Variants in HDAC7 observed in about 807,000 individuals in gnomAD.
HDAC7 encodes the protein histone deacetylase 7A.
A neutral mutation model predicts 115.5 loss-of-function variants in HDAC7; 26 were observed. The observed-to-expected ratio is 0.23, with a 90% CI of 0.16 to 0.31. The LOEUF is 0.31. Ranked by LOEUF, HDAC7 falls within the 10% of genes least tolerant of loss-of-function variation. The pLI is 1.00. For synonymous variants in HDAC7, 564 were observed against 550.9 expected (o/e 1.02, Z -0.33); for missense variants, 1,068 against 1,329.0 (o/e 0.80, Z 3.05).
chr12:47,791,572 C>T lies in HDAC7; in HGVS notation c.1933+14G>A, dbSNP rs769190497. The T allele has an allele frequency of 2.5e-5, 40 of 1,599,118 alleles. No individual in the cohort carries two copies. The highest frequency in any genetic ancestry group is 3.2e-5 in the Non-Finnish European group (38 of 1,172,926). ...GTAAGCTGGCATGGGGAGACAGGGC[C>T]ACTAGGCCATTACCTGCCAGCTTCC... On this transcript the variant is annotated intron_variant, in intron 15 of 25. Transcript: ENST00000080059.
At chr12:47,799,151 T>C in intron 2 of HDAC7, 179 bp from the exon 3 acceptor site, 1 of 556,302 alleles carries the variant, frequency 1.8e-6, no homozygotes, top group Non-Finnish European at 3.2e-6. Context: ...CAATTCCATT[T>C]TACTCGTGAG....
rs916448297 is a variant in HDAC7 at position 47,798,329 on chromosome 12, C to A, written c.350-110G>T. 44 of 971,086 alleles carry A rather than the reference C, an allele frequency of 4.5e-5. No individual in the cohort carries two copies. The highest frequency in any genetic ancestry group is 6.8e-5 in the Non-Finnish European group (42 of 616,218). 60.2% of individuals were successfully genotyped at this position (971,086 alleles called of 1,614,324 possible). Reference sequence around the variant, plus strand: ...CTCAGTAGGAGGCGTCCCAGGGACTCCCTAGGCAAGAGCCAAGCCCGAGGC... The same window carrying A: ...CTCAGTAGGAGGCGTCCCAGGGACTACCTAGGCAAGAGCCAAGCCCGAGGC... On this transcript the variant is annotated intron_variant, in intron 4 of 25. Coordinates refer to ENST00000080059, the MANE Select transcript of HDAC7 (RefSeq NM_015401.5). This position sits in a 1 kb window ranked among gnomAD's most constrained non-coding sequence, Gnocchi z 4.3.
rs993742941 is a variant in HDAC7, at chr12:47,798,183, G to A, written c.386C>T (p.Ala129Val). The change falls in exon 5 of 26, where the codon GCG becomes GTG. Residue 129 changes from alanine to valine, a missense_variant. Physicochemically the swap from Ala to Val is moderately conservative, Grantham distance 64. Coordinates refer to ENST00000080059, the MANE Select transcript of HDAC7 (RefSeq NM_015401.5). This position sits in a 1 kb window ranked among gnomAD's most constrained non-coding sequence, Gnocchi z 4.3. ...VASSVVKQKL[A>V]EVILKKQQAA... ...CTGCTGTTTTTTCAGAATCACCTCC[G>A]CTAGCTTCTGCTTGACCACGCTGCT... 12 of 1,613,768 alleles carry A rather than the reference G, an allele frequency of 7.4e-6. No homozygotes were observed. Among genetic ancestry groups the A allele is most frequent in the Non-Finnish European group, 1.0e-5 (12 of 1,179,870 alleles).
At chr12:47,809,027 C>T (rs1040095656) in intron 1 of HDAC7, among the ~76,000 whole-genome samples, 2 of 152,170 alleles carry the variant, frequency 1.3e-5, no homozygotes, top group Non-Finnish European at 2.9e-5. Context: ...GGGGATAAGT[C>T]GGCCAGTTTC....
Position 47,795,739 on chromosome 12 carries a change from G to A in HDAC7, c.935C>T (p.Thr312Ile). 2 of 1,542,974 alleles carry A rather than the reference G, an allele frequency of 1.3e-6. No individual in the cohort carries two copies. The highest frequency in any genetic ancestry group is 1.7e-6 in the Non-Finnish European group (2 of 1,143,094). Reference protein sequence around the residue: ...RADSDRRTHPTLGPRGPILGS... With the variant: ...RADSDRRTHPILGPRGPILGS... ...CAGGATTGGCCCCCGAGGGCCCAGA[G>A]TCGGATGGGTCCTGCGGTCACTGTC... The change falls in exon 10 of 26, where the codon ACT (threonine) becomes ATT (isoleucine). Residue 312 changes from threonine (T) to isoleucine (I), a missense_variant. Physicochemically the swap from Thr to Ile is moderately conservative, Grantham distance 89. This residue lies in a region of HDAC7 where 618 missense variants were observed against 701.5 expected (regional missense o/e 0.88). Coordinates refer to ENST00000080059, the MANE Select transcript of HDAC7 (RefSeq NM_015401.5). The surrounding 1 kb of genome is among the most constrained non-coding windows in gnomAD (Gnocchi z 4.3).
At position 47,802,255 on chromosome 12, in the gene HDAC7, C is replaced by T. The variant is rs1330339302; in HGVS notation, c.39G>A (p.Pro13=). 2.5e-6 allele frequency: 4 copies of T among 1,613,932 alleles called. No individual in the cohort carries two copies. Among genetic ancestry groups the T allele is most frequent in the Admixed American group, 1.7e-5 (1 of 60,004 alleles). ...SPGADGTQVS[P]GAHYCSPTGA... is the part of the protein sequence containing the mutation. ...CAGTGGGGCTGCAGTAGTGGGCACC[C>T]GGGCTCACCTGGGTCCCATCTGTAG... Residue 13 remains proline, a synonymous_variant, in exon 2 of 26, where the codon CCG becomes CCA. Transcript: ENST00000080059.
chr12:47,813,708 G>C (rs992373637), intron 1 of HDAC7, among the ~76,000 whole-genome samples: 2 of 152,224 alleles, frequency 1.3e-5, no homozygotes, highest in Non-Finnish European at 2.9e-5. Context: ...TCCTGCTGTG[G>C]GGGCTGTGGA....
intron 24 of HDAC7, chr12:47,784,932 G>A (rs1411294473): frequency 1.6e-6 from 1 of 643,512 alleles, no homozygotes; most frequent in East Asian, 2.8e-5. Context: ...GACATAAGAT[G>A]CTCAATAGAT....
chr12:47,820,133 C>G (rs1232083599), upstream of HDAC7, among the ~76,000 whole-genome samples: 4 of 150,906 alleles, frequency 2.7e-5, no homozygotes, highest in African/African-American at 4.9e-5. This position sits in a 1 kb window ranked among gnomAD's most constrained non-coding sequence, Gnocchi z 4.3. Context: ...GGCGCACTGC[C>G]GGGGAGGCAG....
At position 47,798,601 on chromosome 12, in the gene HDAC7, C is replaced by G; in HGVS notation, c.310G>C (p.Glu104Gln). ...TCCTTGTGGAGAAGCTGCCGCAGCT[C>G]TTGTTCCTGGGGTCCCACCTGCAAC... The part of the protein sequence containing the change: ...PELQVGPQEQ[E>Q]LRQLLHKDKS... The change falls in exon 4 of 26, where the codon GAG (glutamate) becomes CAG (glutamine). Residue 104 changes from glutamate to glutamine, a missense_variant. By Grantham distance (29) the Glu-to-Gln change is conservative. Coordinates refer to ENST00000080059, the MANE Select transcript of HDAC7 (RefSeq NM_015401.5). The surrounding 1 kb of genome is among the most constrained non-coding windows in gnomAD (Gnocchi z 4.3). 1 of 1,614,044 alleles carries G rather than the reference C, an allele frequency of 6.2e-7. No homozygotes were observed. Among genetic ancestry groups the G allele is most frequent in the African/African-American group, 1.3e-5 (1 of 75,060 alleles).
At chr12:47,799,555 G>A (rs1038139564) in intron 2 of HDAC7, among the ~76,000 whole-genome samples, 4 of 152,186 alleles carry the variant, frequency 2.6e-5, no homozygotes, top group African/African-American at 7.2e-5. Flanking sequence ...AGCCCTGACC[G>A]GCCACGTTGG....
chr12:47,808,414 G>A (rs371718770), intron 1 of HDAC7, among the ~76,000 whole-genome samples: 153 of 152,224 alleles, frequency 1.0e-3, no homozygotes, highest in African/African-American at 3.4e-3. Context: ...CTGGGGGTGG[G>A]AAAGCATCCT....
intron 1 of HDAC7, among the ~76,000 whole-genome samples, chr12:47,810,816 C>G (rs1250014594): frequency 4.9e-5 from 6 of 123,624 alleles, no homozygotes; most frequent in Admixed American, 1.5e-4. Flanking sequence ...CTCTCTCTCT[C>G]TCTCTCTCTC....
rs1307194225 is a variant in HDAC7, at chr12:47,783,421, C to CT, written c.*419dup. ...TAGAGCCTAGGAAGGGCCAGCCTGT[C>CT]TGAGGCCAAGTTCACATTTCTGTGT... On this transcript the variant is annotated 3_prime_UTR_variant, in exon 26 of 26. Transcript: ENST00000080059. The CT allele has an allele frequency of 4.6e-6, 1 of 218,870 alleles. No homozygotes were observed. The highest frequency in any genetic ancestry group is 2.3e-5 in the African/African-American group (1 of 44,438). 13.6% of individuals were successfully genotyped at this position (218,870 alleles called of 1,614,324 possible).
chr12:47,787,580 G>A, intron 21 of HDAC7, 132 bp downstream of exon 21: 1 of 632,692 alleles, frequency 1.6e-6, no homozygotes, highest in South Asian at 2.0e-5. Flanking sequence ...TATTCTCACT[G>A]GCGTTCACCT....
chr12:47,798,450 G>A lies in HDAC7; in HGVS notation c.349+112C>T, dbSNP rs999932745. On this transcript the variant is annotated intron_variant, in intron 4 of 25. Coordinates refer to ENST00000080059, the MANE Select transcript of HDAC7 (RefSeq NM_015401.5). This position sits in a 1 kb window ranked among gnomAD's most constrained non-coding sequence, Gnocchi z 4.3. ...CCAGGCAAGCAGAGGGAAAGCCTCG[G>A]CTCAGGCCCAGCTGGCTGCGGCCCT... 7 of 988,886 alleles carry A rather than the reference G, an allele frequency of 7.1e-6. No homozygotes were observed. In the Admixed American group the frequency reaches 7.6e-5, roughly 11 times the overall value. The allele number at this position is 988,886 out of a possible 1,614,324, so 61.3% of individuals were successfully genotyped here.
intron 2 of HDAC7, among the ~76,000 whole-genome samples, chr12:47,800,014 A>G (rs565162639): frequency 1.3e-5 from 2 of 152,300 alleles, no homozygotes; most frequent in East Asian, 3.9e-4. Flanking sequence ...GACTGTCCTC[A>G]GGGATTGGGG....
rs1481519264 is a variant in HDAC7 at position 47,792,010 on chromosome 12, G to A, written c.1679-6C>T. 1 of 1,602,026 alleles carries A rather than the reference G, an allele frequency of 6.2e-7. No homozygotes were observed. The highest frequency in any genetic ancestry group is 8.5e-7 in the Non-Finnish European group (1 of 1,172,022). The stretch of plus-strand genomic sequence containing the variant: ...GACCGAGTCATAGATCAGCCCTGCA[G>A]GAGCAAGGGTCAGAGCGGGGACCCA... On this transcript the variant is annotated splice_polypyrimidine_tract_variant and splice_region_variant and intron_variant, in intron 13 of 25. Transcript: ENST00000080059.
rs763021957 is a variant in HDAC7, at chr12:47,796,246, A to G, written c.756T>C (p.Asn252=). ...TGGGATTGGGGCCGTGCTCGCTGTCATTGGGGGAGCTGCACCCTGATGCGG... is the reference window on the plus strand; with the variant it reads ...TGGGATTGGGGCCGTGCTCGCTGTCGTTGGGGGAGCTGCACCCTGATGCGG... The part of the protein sequence containing the change: ...STPASGCSSP[N]DSEHGPNPIL... Residue 252 remains asparagine (N), a synonymous_variant, in exon 8 of 26, where the codon AAT becomes AAC. Transcript: ENST00000080059. 45 of 1,603,010 alleles carry G rather than the reference A, an allele frequency of 2.8e-5. No individual in the cohort carries two copies. Among genetic ancestry groups the G allele is most frequent in the Non-Finnish European group, 3.7e-5 (43 of 1,177,210 alleles).
Sources: gnomAD v4.1 joint callset for allele counts (sites outside exome capture counted in the v4.1 genomes callset) on GRCh38, gnomAD v4.1.1 for gene constraint, gnomAD v4.1.1 regional missense constraint, Gnocchi (gnomAD v3.1) non-coding constraint, MANE v1.5 for transcripts, NCBI Gene and HGNC (gene_info 2026-07-23, HGNC 2026-07-21) for gene names.